The following PLXNA4 variants were observed in gnomAD, a reference collection of about 807,000 sequenced individuals.
PLXNA4 encodes the protein plexin A4.
In PLXNA4, 44 loss-of-function variants were observed where a neutral mutation model predicts 191.8. That is an observed-to-expected ratio of 0.23 (90% confidence interval 0.18 to 0.29). The LOEUF (loss-of-function observed/expected upper bound fraction) is 0.29. Among genes scored for constraint, PLXNA4 ranks in the 10% least tolerant of loss-of-function variants. The pLI is 1.00. For missense variants in PLXNA4, 1,800 were observed against 2,488.8 expected (o/e 0.72, Z 5.89); for synonymous variants, 1,082 against 1,009.5 (o/e 1.07, Z -1.36).
chr7:132,225,146 A>G (rs1798274477), intron 8 of PLXNA4, among the ~76,000 whole-genome samples: 1 of 152,166 alleles, frequency 6.6e-6, no homozygotes, highest in South Asian at 2.1e-4. Context: ...TTCTATGGTG[A>G]GAAGAAAAAA....
chr7:132,228,026 T>C (rs1584872323), intron 6 of PLXNA4, among the ~76,000 whole-genome samples: 1 of 152,188 alleles, frequency 6.6e-6, no homozygotes, highest in East Asian at 1.9e-4. Flanking sequence ...CATGCATCTT[T>C]CCCATTTTAT....
rs188828350 is a variant in PLXNA4, at chr7:132,508,568, T to C, written c.126A>G (p.Thr42=). 5.6e-6 allele frequency: 9 copies of C among 1,614,178 alleles called. No individual in the cohort carries two copies. In the Admixed American group the frequency reaches 6.7e-5, roughly 12 times the overall value. Residue 42 remains threonine, a synonymous_variant, in exon 2 of 32, where the codon ACA becomes ACG. Coordinates refer to ENST00000321063, the MANE Select transcript of PLXNA4 (RefSeq NM_020911.2). This position sits in a 1 kb window ranked among gnomAD's most constrained non-coding sequence, Gnocchi z 4.4. ...PLSQKQRSFV[T]FRGEPAEGFN... ...AACCCTCGGCGGGCTCTCCTCGGAATGTGACAAATGACCGCTGCTTCTGGG... is the reference window on the plus strand; with the variant it reads ...AACCCTCGGCGGGCTCTCCTCGGAACGTGACAAATGACCGCTGCTTCTGGG...
chr7:132,311,193 T>TGTGTGTGCAC (rs71178034), intron 3 of PLXNA4, among the ~76,000 whole-genome samples: 1 of 89,828 alleles, frequency 1.1e-5, no homozygotes, highest in Non-Finnish European at 2.5e-5. Context: ...TGTGTGTGTG[T>TGTGTGTGCAC]GCGCGTGTGG....
intron 30 of PLXNA4, among the ~76,000 whole-genome samples, chr7:132,135,332 C>CT (rs1224110286): frequency 2.2e-4 from 33 of 152,228 alleles, no homozygotes; most frequent in African/African-American, 8.0e-4. Flanking sequence ...ATCAGAGCCT[C>CT]TGACCAGGTG....
chr7:132,168,704 T>C, intron 21 of PLXNA4, 132 bp from the exon 22 acceptor site: 1 of 1,298,618 alleles, frequency 7.7e-7, no homozygotes, highest in South Asian at 1.7e-5. Context: ...TGGCTAATGC[T>C]GTCAAGCCCT....
intron 9 of PLXNA4, among the ~76,000 whole-genome samples, chr7:132,216,500 C>G (rs1584857354): frequency 6.6e-6 from 1 of 152,294 alleles, no homozygotes; most frequent in South Asian, 2.1e-4. Context: ...TACGTTGCAA[C>G]CTGGTATGGT....
chr7:132,522,050 G>C lies in PLXNA4; in HGVS notation c.-86-13271C>G, dbSNP rs1466892757. ...TCCATGGGGAAAGAGAGGCCATGAGGTGGACTGGGGTGTGATAAAGGGTCA... is the reference window on the plus strand; with the variant it reads ...TCCATGGGGAAAGAGAGGCCATGAGCTGGACTGGGGTGTGATAAAGGGTCA... On this transcript the variant is annotated intron_variant, in intron 1 of 31. Coordinates refer to ENST00000321063, the MANE Select transcript of PLXNA4 (RefSeq NM_020911.2). Among the ~76,000 whole-genome samples, 5 of 152,156 alleles carry C rather than the reference G, an allele frequency of 3.3e-5. No individual in the cohort carries two copies. In the East Asian group the frequency reaches 9.6e-4, roughly 29 times the overall value.
At chr7:132,283,953 T>A (rs1474787637) in intron 4 of PLXNA4, among the ~76,000 whole-genome samples, 1 of 152,194 alleles carries the variant, frequency 6.6e-6, no homozygotes, top group Non-Finnish European at 1.5e-5. Flanking sequence ...GGCAGGAGGA[T>A]CACTTAAGCC....
At chr7:132,236,838 T>C (rs111388023) in intron 5 of PLXNA4, among the ~76,000 whole-genome samples, 2,092 of 152,276 alleles carry the variant, frequency 0.014, 33 homozygotes, top group African/African-American at 0.04. Context: ...GTCAACCTCC[T>C]GTACTGAACT....
At chr7:132,220,000 T>C (rs1196302089) in intron 9 of PLXNA4, among the ~76,000 whole-genome samples, 1 of 152,098 alleles carries the variant, frequency 6.6e-6, no homozygotes, top group Non-Finnish European at 1.5e-5. Flanking sequence ...AATGACAAAA[T>C]TGCCTAATGA....
intron 2 of PLXNA4, among the ~76,000 whole-genome samples, chr7:132,597,947 G>A (rs1802747704): frequency 6.6e-6 from 1 of 151,350 alleles, no homozygotes; most frequent in East Asian, 1.9e-4. Flanking sequence ...ATTTGTTACT[G>A]CCTGTTGATA....
At chr7:132,422,362 C>T (rs372731545) in intron 3 of PLXNA4, among the ~76,000 whole-genome samples, 8 of 152,194 alleles carry the variant, frequency 5.3e-5, no homozygotes, top group Non-Finnish European at 8.8e-5. Context: ...ACAGCCACAA[C>T]GGCATTTAAT....
chr7:132,641,977 T>C (rs1419750081), intron 2 of PLXNA4, among the ~76,000 whole-genome samples: 2 of 152,178 alleles, frequency 1.3e-5, no homozygotes, highest in Non-Finnish European at 2.9e-5. Context: ...TGTGTGTGTG[T>C]TTTAGATGAA....
intron 3 of PLXNA4, among the ~76,000 whole-genome samples, chr7:132,317,787 G>A (rs1366926002): frequency 1.3e-5 from 2 of 152,220 alleles, no homozygotes; most frequent in African/African-American, 4.8e-5. Flanking sequence ...GCACAGCATT[G>A]TGGAACACCA....
intron 3 of PLXNA4, among the ~76,000 whole-genome samples, chr7:132,484,524 G>A (rs1797465592): frequency 6.6e-6 from 1 of 152,238 alleles, no homozygotes. Context: ...TTCCTGTCAT[G>A]GAAATCGGTC....
intron 3 of PLXNA4, among the ~76,000 whole-genome samples, chr7:132,327,415 G>T (rs1198297860): frequency 6.6e-6 from 1 of 152,136 alleles, no homozygotes; most frequent in Non-Finnish European, 1.5e-5. Context: ...TTCAGGGAAG[G>T]TCATAATTGC....
chr7:132,356,926 A>T (rs2116832561), intron 3 of PLXNA4, among the ~76,000 whole-genome samples: 1 of 152,196 alleles, frequency 6.6e-6, no homozygotes, highest in Non-Finnish European at 1.5e-5. Context: ...TCCCTGAGGG[A>T]TTCTAATTAG....
upstream of PLXNA4, chr7:132,577,319 G>A (rs1303604731): frequency 6.6e-6 from 1 of 152,206 alleles, no homozygotes; most frequent in Non-Finnish European, 1.5e-5. Context: ...GTGCATTGAA[G>A]CCCGGCCAAG....
At chr7:132,367,358 A>G (rs995020312) in intron 3 of PLXNA4, among the ~76,000 whole-genome samples, 1 of 152,130 alleles carries the variant, frequency 6.6e-6, no homozygotes, top group Non-Finnish European at 1.5e-5. Flanking sequence ...AAGGATCACC[A>G]TACACTGAAC....
Sources: allele counts gnomAD v4.1 joint callset (sites outside exome capture counted in the v4.1 genomes callset), GRCh38; gene constraint gnomAD v4.1.1; non-coding constraint Gnocchi (gnomAD v3.1); transcripts MANE v1.5; gene names NCBI Gene and HGNC (gene_info 2026-07-23, HGNC 2026-07-21).